CLIP2: variants seen among roughly 807,000 people sequenced by gnomAD.
CLIP2 encodes CAP-Gly domain-containing linker protein 2.
A neutral mutation model predicts 111.7 loss-of-function variants in CLIP2; 41 were observed. That is an observed-to-expected ratio of 0.37 (90% CI 0.29 to 0.48). CLIP2 has a LOEUF of 0.48. Among genes scored for constraint, CLIP2 ranks in the 20% least tolerant of loss-of-function variants. CLIP2 has a pLI of 0.99. For synonymous variants in CLIP2, 660 were observed against 644.2 expected (o/e 1.02, Z -0.37); for missense variants, 1,160 against 1,422.1 (o/e 0.82, Z 2.96).
At chr7:74,360,367 C>G in intron 7 of CLIP2, 89 bp downstream of exon 7, 1 of 912,774 alleles carries the variant, frequency 1.1e-6, no homozygotes, top group Non-Finnish European at 1.7e-6. Context: ...GACCCAGGTT[C>G]CAGTCCTGCC....
At chr7:74,382,775 A>G (rs1790982485) in intron 11 of CLIP2, among the ~76,000 whole-genome samples, 1 of 152,064 alleles carries the variant, frequency 6.6e-6, no homozygotes, top group Admixed American at 6.6e-5. Flanking sequence ...GGCCATGCAG[A>G]TATTTAAAAA....
At chr7:74,387,788 A>G (rs1791157801) in intron 12 of CLIP2, among the ~76,000 whole-genome samples, 1 of 152,204 alleles carries the variant, frequency 6.6e-6, no homozygotes, top group Non-Finnish European at 1.5e-5. Context: ...CAGGAGCCCA[A>G]GCAGCTGCTG....
At chr7:74,335,806 G>A (rs546606987) in intron 2 of CLIP2, among the ~76,000 whole-genome samples, 6 of 147,404 alleles carry the variant, frequency 4.1e-5, no homozygotes, top group Non-Finnish European at 7.4e-5. Context: ...GCAGTGACGC[G>A]ATCTCGGCTC....
chr7:74,303,159 C>T (rs917639150), intron 1 of CLIP2, among the ~76,000 whole-genome samples: 6 of 152,140 alleles, frequency 3.9e-5, no homozygotes, highest in Non-Finnish European at 7.4e-5. Flanking sequence ...GGGAAGGGGC[C>T]GTCCAGCCCT....
chr7:74,325,015 T>G (rs1789071906), intron 2 of CLIP2, among the ~76,000 whole-genome samples: 1 of 152,064 alleles, frequency 6.6e-6, no homozygotes, highest in African/African-American at 2.4e-5. Flanking sequence ...GAGATGTGTG[T>G]GGCAGAGGCC....
chr7:74,375,049 G>C (rs769157841), intron 9 of CLIP2, among the ~76,000 whole-genome samples: 2 of 151,924 alleles, frequency 1.3e-5, no homozygotes, highest in Non-Finnish European at 1.5e-5. Context: ...TCTTTAAAAA[G>C]AATGTTAACA....
At chr7:74,350,157 G>A (rs1554307233) in intron 3 of CLIP2, among the ~76,000 whole-genome samples, 3 of 151,820 alleles carry the variant, frequency 2.0e-5, no homozygotes, top group Admixed American at 2.0e-4. Context: ...GGGTTCAAGC[G>A]ATTCTCATCT....
At chr7:74,384,509 A>G (rs1791030806) in intron 11 of CLIP2, among the ~76,000 whole-genome samples, 1 of 138,520 alleles carries the variant, frequency 7.2e-6, no homozygotes, top group Non-Finnish European at 1.5e-5. Flanking sequence ...GCAGTGGTGC[A>G]ATCTTGGCTC....
At chr7:74,311,930 A>G (rs1788649516) in intron 1 of CLIP2, among the ~76,000 whole-genome samples, 1 of 138,700 alleles carries the variant, frequency 7.2e-6, no homozygotes, top group East Asian at 2.1e-4. Flanking sequence ...AAAAAAAAAA[A>G]AAGAAAGAAA....
chr7:74,321,651 G>T (rs890807309), intron 2 of CLIP2, among the ~76,000 whole-genome samples: 7 of 151,980 alleles, frequency 4.6e-5, no homozygotes, highest in African/African-American at 1.7e-4. Context: ...TGTATTTTTA[G>T]TAGAGACAGG....
intron 8 of CLIP2, among the ~76,000 whole-genome samples, chr7:74,367,797 C>T (rs1790500482): frequency 6.6e-6 from 1 of 152,100 alleles, no homozygotes; most frequent in South Asian, 2.1e-4. Flanking sequence ...ACACAGTTGG[C>T]TGGGCATGGT....
At chr7:74,352,548 T>C (rs1427526089) in intron 3 of CLIP2, among the ~76,000 whole-genome samples, 2 of 152,002 alleles carry the variant, frequency 1.3e-5, no homozygotes, top group South Asian at 2.1e-4. Flanking sequence ...ATCATCCTCA[T>C]CTATGAGTAC....
chr7:74,296,607 G>C (rs1554726140), intron 1 of CLIP2, among the ~76,000 whole-genome samples: 1 of 151,542 alleles, frequency 6.6e-6, no homozygotes, highest in African/African-American at 2.4e-5. Flanking sequence ...GGCCAATGTG[G>C]TGAAACCCTG....
In CLIP2 at chr7:74,317,679, A is replaced by G; in HGVS notation, c.121+12A>G. On this transcript the variant is annotated intron_variant, in intron 2 of 16. Transcript: ENST00000223398. ...TAGCTCCAAGGAAGGTACGTGGCAC[A>G]CCAAGGATGGGGGGTGAGGGGACTG... 6.9e-7 allele frequency: 1 copy of G among 1,441,826 alleles called. No homozygotes were observed. The highest frequency in any genetic ancestry group is 9.2e-7 in the Non-Finnish European group (1 of 1,091,620). 89.3% of individuals were successfully genotyped at this position (1,441,826 alleles called of 1,614,324 possible).
intron 2 of CLIP2, among the ~76,000 whole-genome samples, chr7:74,326,863 C>G (rs1411886451): frequency 6.6e-6 from 1 of 151,794 alleles, no homozygotes; most frequent in Non-Finnish European, 1.5e-5. Flanking sequence ...GTCTTGAACT[C>G]CTGACCTCGT....
chr7:74,403,011 G>A (rs1212239857), intron 16 of CLIP2, among the ~76,000 whole-genome samples: 1 of 151,096 alleles, frequency 6.6e-6, no homozygotes, highest in East Asian at 1.9e-4. Context: ...AGGAGTTTGA[G>A]ACCAGCCTGG....
intron 1 of CLIP2, among the ~76,000 whole-genome samples, chr7:74,310,249 T>G (rs1475239138): frequency 1.3e-5 from 2 of 148,406 alleles, no homozygotes; most frequent in African/African-American, 2.5e-5. Context: ...TGAAGACTGG[T>G]CATGGCGGCT....
At position 74,362,406 on chromosome 7, in the gene CLIP2, G is replaced by A. The variant is rs562470998; in HGVS notation, c.1320-1849G>A. 3.3e-5 allele frequency among the ~76,000 whole-genome samples: 5 copies of A among 152,252 alleles called. No homozygotes were observed. In the South Asian group the frequency reaches 1.0e-3, roughly 32 times the overall value. ...CGCTCCATAAGCTGTTGTTACTGTC[G>A]GATTCAGGGAGATGAGGGTGTATTT... On this transcript the variant is annotated intron_variant, in intron 7 of 16. Coordinates refer to ENST00000223398, the MANE Select transcript of CLIP2 (RefSeq NM_003388.5).
At chr7:74,364,580 C>T (rs1554310428) in intron 8 of CLIP2, among the ~76,000 whole-genome samples, 2 of 152,078 alleles carry the variant, frequency 1.3e-5, no homozygotes, top group Non-Finnish European at 2.9e-5. Flanking sequence ...GGGGCTGGGC[C>T]CCAGGATAGA....
Sources: allele counts gnomAD v4.1 joint callset (sites outside exome capture counted in the v4.1 genomes callset), GRCh38; gene constraint gnomAD v4.1.1; transcripts MANE v1.5; gene names NCBI Gene and HGNC (gene_info 2026-07-23, HGNC 2026-07-21).